Variants in ARID4B observed in about 807,000 individuals in gnomAD.
ARID4B encodes AT-rich interaction domain 4B.
In ARID4B, 26 loss-of-function variants were observed where a neutral mutation model predicts 147.5. That is an observed-to-expected ratio of 0.18 (90% confidence interval 0.13 to 0.24). ARID4B has a LOEUF of 0.24. Among genes scored for constraint, ARID4B ranks in the 10% least tolerant of loss-of-function variants. The probability of loss-of-function intolerance (pLI) is 1.00; values close to 1 mark genes in which losing one functional copy is unlikely to be tolerated. For missense variants in ARID4B, 1,179 were observed against 1,511.5 expected (o/e 0.78, Z 3.65); for synonymous variants, 512 against 507.9 (o/e 1.01, Z -0.11).
At chr1:235,305,383 A>T (rs979644418) in intron 2 of ARID4B, among the ~76,000 whole-genome samples, 21 of 152,210 alleles carry the variant, frequency 1.4e-4, no homozygotes, top group Non-Finnish European at 2.8e-4. Flanking sequence ...AAAAACACAC[A>T]TACACTTACA....
At chr1:235,231,634 A>G (rs535673171) in intron 9 of ARID4B, among the ~76,000 whole-genome samples, 1 of 152,100 alleles carries the variant, frequency 6.6e-6, no homozygotes, top group Non-Finnish European at 1.5e-5. Context: ...TTACAGGCAC[A>G]TGCCACTACC....
intron 20 of ARID4B, chr1:235,180,923 C>A: frequency 5.7e-6 from 1 of 174,896 alleles, no homozygotes; most frequent in Non-Finnish European, 1.2e-5. Flanking sequence ...GGCACTAATA[C>A]TTTGGGAAGG....
intron 2 of ARID4B, among the ~76,000 whole-genome samples, chr1:235,267,647 C>A (rs1245768910): frequency 6.6e-6 from 1 of 151,866 alleles, no homozygotes; most frequent in Non-Finnish European, 1.5e-5. Flanking sequence ...CCTGGCTAAC[C>A]CGGTGAAACC....
At chr1:235,173,647 A>G in intron 22 of ARID4B, among the ~76,000 whole-genome samples, 1 of 147,462 alleles carries the variant, frequency 6.8e-6, no homozygotes, top group South Asian at 2.2e-4. Context: ...CTGTAATCCT[A>G]GCACTTTGGG....
intron 2 of ARID4B, among the ~76,000 whole-genome samples, chr1:235,325,470 G>A (rs1402773309): frequency 6.6e-6 from 1 of 152,058 alleles, no homozygotes; most frequent in Non-Finnish European, 1.5e-5. Context: ...CCTAAGAAGT[G>A]ACAAGCACTA....
intron 21 of ARID4B, 59 bp downstream of exon 21, chr1:235,177,741 G>A (rs1663992250): frequency 1.7e-6 from 2 of 1,148,016 alleles, no homozygotes; most frequent in Admixed American, 4.0e-5. Flanking sequence ...TTTTCTTACT[G>A]GGGGTAAAAT....
intron 5 of ARID4B, 72 bp from the exon 6 acceptor site, chr1:235,252,881 A>C: frequency 7.9e-7 from 1 of 1,265,468 alleles, no homozygotes; most frequent in Non-Finnish European, 1.1e-6. Flanking sequence ...ATGTATTACA[A>C]TTTTCTGAGT....
chr1:235,273,556 G>A (rs1671125748), intron 2 of ARID4B, among the ~76,000 whole-genome samples: 1 of 152,142 alleles, frequency 6.6e-6, no homozygotes. Context: ...AATGCATCCT[G>A]ATTTCAGAGA....
chr1:235,285,026 C>T (rs1303507513), intron 2 of ARID4B, among the ~76,000 whole-genome samples: 1 of 152,124 alleles, frequency 6.6e-6, no homozygotes, highest in African/African-American at 2.4e-5. Flanking sequence ...ACCTCAGCCT[C>T]CCAAGCCTCC....
chr1:235,300,442 ACT>A (rs1673038446), intron 2 of ARID4B, among the ~76,000 whole-genome samples: 1 of 150,766 alleles, frequency 6.6e-6, no homozygotes, highest in East Asian at 2.0e-4. Flanking sequence ...AGAAAAACAG[ACT>A]CTGGAGGTCA....
At chr1:235,232,130 A>G (rs1465856422) in intron 9 of ARID4B, among the ~76,000 whole-genome samples, 3 of 152,124 alleles carry the variant, frequency 2.0e-5, no homozygotes, top group African/African-American at 7.2e-5. Context: ...CTTAAAAAAT[A>G]AAGGTTGAGC....
intron 12 of ARID4B, 122 bp from the exon 13 acceptor site, chr1:235,223,382 T>TATACAC (rs71172272): frequency 1.9e-5 from 4 of 214,212 alleles, no homozygotes; most frequent in South Asian, 2.8e-4. Context: ...TATATATATA[T>TATACAC]ACACGTATAT....
chr1:235,244,057 TA>T (rs1187124892), intron 7 of ARID4B, among the ~76,000 whole-genome samples: 1 of 152,108 alleles, frequency 6.6e-6, no homozygotes, highest in Admixed American at 6.5e-5. Flanking sequence ...AATATATGAG[TA>T]AATTTTATGA....
chr1:235,279,340 T>C (rs574613823), intron 2 of ARID4B, among the ~76,000 whole-genome samples: 12 of 152,252 alleles, frequency 7.9e-5, no homozygotes, highest in African/African-American at 2.9e-4. Flanking sequence ...TATGAGGTAT[T>C]CTGGTAGGAA....
At chr1:235,327,021 T>C (rs1675323720) in intron 1 of ARID4B, 53 bp from the exon 2 acceptor site, 3 of 1,242,650 alleles carry the variant, frequency 2.4e-6, no homozygotes, top group Non-Finnish European at 3.5e-6. Context: ...CCCTCTGCAC[T>C]GGCGGAGGCG....
In ARID4B at chr1:235,260,745, T is replaced by A. The variant is rs1406847764; in HGVS notation, c.14A>T (p.Asp5Val). The change falls in exon 3 of 24, where the codon GAT (aspartate) becomes GTT (valine). Residue 5 changes from aspartate (D) to valine (V), a missense_variant. Transcript: ENST00000264183. MKAL[D>V]EPPYLTVGTD... ...GCCCACTGTCAAATAGGGAGGCTCA[T>A]CAAGGGCCTAAAAATGCAAAGAAAT... 6.2e-7 allele frequency: 1 copy of A among 1,602,196 alleles called. No individual in the cohort carries two copies. Among genetic ancestry groups the A allele is most frequent in the Non-Finnish European group, 8.5e-7 (1 of 1,174,912 alleles).
intron 2 of ARID4B, among the ~76,000 whole-genome samples, chr1:235,266,190 T>C (rs1193904983): frequency 1.3e-5 from 2 of 152,200 alleles, no homozygotes; most frequent in Non-Finnish European, 2.9e-5. Flanking sequence ...TGTACCAAGA[T>C]TGCACCAGTA....
rs3765797 is a variant in ARID4B, at chr1:235,223,685, A to G, written c.971-425T>C. On this transcript the variant is annotated intron_variant, in intron 12 of 23. Coordinates refer to ENST00000264183, the MANE Select transcript of ARID4B (RefSeq NM_016374.6). ...AATAATGATTCTATAGTAAAGCTAC[A>G]TTTTTTTTTTTTTTTCATTCTAACA... 6.0e-3 allele frequency among the ~76,000 whole-genome samples: 799 copies of G among 134,058 alleles called. 12 individuals carry two copies. The highest frequency in any genetic ancestry group is 8.4e-3 in the South Asian group (35 of 4,144). The allele number at this position is 134,058 out of a possible 152,430, so 87.9% of individuals were successfully genotyped here.
At chr1:235,226,767 G>A (rs543569611) in intron 11 of ARID4B, among the ~76,000 whole-genome samples, 1 of 152,230 alleles carries the variant, frequency 6.6e-6, no homozygotes, top group South Asian at 2.1e-4. Context: ...CAGGTGATCT[G>A]CCTGCCTTGG....
Sources: allele counts gnomAD v4.1 joint callset (sites outside exome capture counted in the v4.1 genomes callset), GRCh38; gene constraint gnomAD v4.1.1; transcripts MANE v1.5; gene names NCBI Gene and HGNC (gene_info 2026-07-23, HGNC 2026-07-21).